The following TRIM2 variants were observed in gnomAD, a reference collection of about 807,000 sequenced individuals.
TRIM2 encodes tripartite motif-containing protein 2.
Under a neutral mutation model 75.2 loss-of-function variants are expected in TRIM2, and 20 were observed. The observed-to-expected ratio is 0.27, with a 90% CI of 0.19 to 0.39. TRIM2 has a LOEUF of 0.39. TRIM2 is among the 10% of genes least tolerant of loss of function. The probability of loss-of-function intolerance (pLI) is 1.00; values close to 1 mark genes in which losing one functional copy is unlikely to be tolerated. For synonymous variants in TRIM2, 373 were observed against 388.3 expected, an observed-to-expected ratio of 0.96 and a Z score of 0.46; for missense variants, 660 against 990.8, an observed-to-expected ratio of 0.67 and a Z score of 4.48.
chr4:153,247,252 T>C (rs1208426569), intron 1 of TRIM2, among the ~76,000 whole-genome samples: 2 of 151,894 alleles, frequency 1.3e-5, no homozygotes, highest in Non-Finnish European at 2.9e-5. Flanking sequence ...GGGACTAGAG[T>C]TAGTGTGAGA....
At position 153,338,056 on chromosome 4, in the gene TRIM2, T is replaced by G; in HGVS notation, c.*3090T>G. The stretch of plus-strand genomic sequence containing the variant: ...CTCCAGAACTAAACAAGTCCCTAAG[T>G]TTCCTTATTTTAATTTACTGTGACT... On this transcript the variant is annotated 3_prime_UTR_variant, in exon 12 of 12. Transcript: ENST00000338700. The G allele has an allele frequency of 1.0e-6, 1 of 985,772 alleles. No homozygotes were observed. The highest frequency in any genetic ancestry group is 1.2e-6 in the Non-Finnish European group (1 of 829,906). 61.1% of individuals were successfully genotyped at this position (985,772 alleles called of 1,614,324 possible).
intron 1 of TRIM2, among the ~76,000 whole-genome samples, chr4:153,164,128 G>T (rs933697670): frequency 1.3e-5 from 2 of 151,954 alleles, no homozygotes; most frequent in Non-Finnish European, 2.9e-5. Flanking sequence ...ATAAACACAT[G>T]TACTTATTGT....
intron 1 of TRIM2, among the ~76,000 whole-genome samples, chr4:153,209,148 C>T (rs1389992477): frequency 6.6e-6 from 1 of 152,156 alleles, no homozygotes; most frequent in African/African-American, 2.4e-5. Flanking sequence ...GAGCAGGGAG[C>T]CTGGTGACCT....
rs563971659 is a variant in TRIM2 at position 153,328,611 on chromosome 4, G to A, written c.2104G>A (p.Val702Ile). Residue 702 changes from valine to isoleucine, a missense_variant, in exon 11 of 12, where the codon GTA (valine) becomes ATA (isoleucine). This residue lies in a region of TRIM2 where 40 missense variants were observed against 99.8 expected (regional missense o/e 0.40). Transcript: ENST00000338700. ...TGGGCAGTTTAATGCTCCAACAGGT[G>A]TAGCAGTGGATTCAAATGGAAACAT... is the stretch of plus-strand genomic sequence containing the variant. ...GNGQFNAPTG[V>I]AVDSNGNIIV... 1.2e-6 allele frequency: 2 copies of A among 1,612,672 alleles called. No homozygotes were observed. The highest frequency in any genetic ancestry group is 4.5e-5 in the East Asian group (2 of 44,774).
intron 3 of TRIM2, among the ~76,000 whole-genome samples, chr4:153,279,117 T>C (rs1263279269): frequency 2.0e-5 from 3 of 152,212 alleles, no homozygotes; most frequent in Non-Finnish European, 2.9e-5. Flanking sequence ...GGGAAACCAA[T>C]TATGAGTTTA....
intron 3 of TRIM2, among the ~76,000 whole-genome samples, chr4:153,277,301 C>T (rs1758248360): frequency 6.6e-6 from 1 of 152,242 alleles, no homozygotes; most frequent in Non-Finnish European, 1.5e-5. Flanking sequence ...TTCTCCTGCA[C>T]ACAGCAGTCT....
intron 1 of TRIM2, among the ~76,000 whole-genome samples, chr4:153,223,666 G>A (rs1297148419): frequency 6.6e-6 from 1 of 152,130 alleles, no homozygotes; most frequent in Non-Finnish European, 1.5e-5. Context: ...CTCACTAAAT[G>A]CCTGTCAGAT....
At chr4:153,330,168 T>C (rs1771148206) in intron 11 of TRIM2, among the ~76,000 whole-genome samples, 1 of 152,214 alleles carries the variant, frequency 6.6e-6, no homozygotes, top group South Asian at 2.1e-4. Flanking sequence ...ATTTAATTCA[T>C]AATTTTAAAA....
chr4:153,177,160 G>A lies in TRIM2; in HGVS notation c.-49+23890G>A, dbSNP rs539088805. 8.2e-4 allele frequency among the ~76,000 whole-genome samples: 125 copies of A among 152,336 alleles called. 1 individual carries two copies. Among genetic ancestry groups the A allele is most frequent in the Non-Finnish European group, 1.5e-3 (104 of 68,022 alleles). ...CCATTTCCTACATTCCAGCTGGCAGGAAGGGAAAGGCTTGAAGAAAATGGG... is the reference window on the plus strand; with the variant it reads ...CCATTTCCTACATTCCAGCTGGCAGAAAGGGAAAGGCTTGAAGAAAATGGG... On this transcript the variant is annotated intron_variant, in intron 1 of 11. Transcript: ENST00000437508.
intron 5 of TRIM2, among the ~76,000 whole-genome samples, chr4:153,294,867 T>G (rs1389300782): frequency 6.6e-6 from 1 of 152,248 alleles, no homozygotes; most frequent in East Asian, 1.9e-4. Flanking sequence ...TAACTCTGCA[T>G]GTCTGTTCAC....
intron 6 of TRIM2, among the ~76,000 whole-genome samples, chr4:153,306,864 G>A (rs1765120197): frequency 6.6e-6 from 1 of 152,182 alleles, no homozygotes. Flanking sequence ...GCCCTGCCAA[G>A]AGCCATATTA....
At chr4:153,299,434 A>G (rs1763413225) in intron 6 of TRIM2, among the ~76,000 whole-genome samples, 1 of 152,128 alleles carries the variant, frequency 6.6e-6, no homozygotes, top group South Asian at 2.1e-4. Flanking sequence ...GTTGATGGAC[A>G]CTTAGGTTGA....
Position 153,291,489 on chromosome 4 carries a change from G to A in TRIM2, c.454-1493G>A, listed in dbSNP as rs74496538. Among the ~76,000 whole-genome samples, 347 of 152,140 alleles carry A rather than the reference G, an allele frequency of 2.3e-3. 1 individual carries two copies. The highest frequency in any genetic ancestry group is 7.4e-3 in the African/African-American group (307 of 41,496). On this transcript the variant is annotated intron_variant, in intron 3 of 11. Transcript: ENST00000338700. ...AATTGGGTATAAATAAAAGTGATTTGGTGACTGCCTTCACTTTGTGAAAAT... is the reference window on the plus strand; with the variant it reads ...AATTGGGTATAAATAAAAGTGATTTAGTGACTGCCTTCACTTTGTGAAAAT...
intron 1 of TRIM2, chr4:153,222,966 CCCAGGCCCGA>C (rs1741042114): frequency 6.6e-6 from 1 of 152,262 alleles, no homozygotes; most frequent in Non-Finnish European, 1.5e-5. Flanking sequence ...CGCAGCGAGG[CCCAGGCCCGA>C]GGGGTGAGGC....
At chr4:153,280,671 G>A (rs1759119052) in intron 3 of TRIM2, among the ~76,000 whole-genome samples, 1 of 150,054 alleles carries the variant, frequency 6.7e-6, no homozygotes, top group African/African-American at 2.5e-5. Flanking sequence ...GAGCCACTAT[G>A]TCCAGCCCAC....
intron 1 of TRIM2, among the ~76,000 whole-genome samples, chr4:153,180,193 C>G (rs1233381572): frequency 1.3e-5 from 2 of 152,240 alleles, no homozygotes; most frequent in Non-Finnish European, 2.9e-5. Context: ...AAGAAATCAA[C>G]AGCCCCATTA....
At chr4:153,243,076 A>G (rs1211927839) in intron 1 of TRIM2, among the ~76,000 whole-genome samples, 1 of 152,196 alleles carries the variant, frequency 6.6e-6, no homozygotes, top group Non-Finnish European at 1.5e-5. Flanking sequence ...TCCAACTTCA[A>G]ACACACCTCT....
At chr4:153,244,354 C>CTT (rs1348594641) in intron 1 of TRIM2, among the ~76,000 whole-genome samples, 500 of 25,520 alleles carry the variant, frequency 0.02, 54 homozygotes, top group African/African-American at 0.022. Flanking sequence ...TCTTCTTCTT[C>CTT]CTCTTCTTCT....
At chr4:153,331,548 TCAA>T (rs1771485964) in intron 11 of TRIM2, among the ~76,000 whole-genome samples, 1 of 152,304 alleles carries the variant, frequency 6.6e-6, no homozygotes, top group African/African-American at 2.4e-5. Context: ...ATTGCAAGAC[TCAA>T]CAATGATGTC....
Sources: allele counts gnomAD v4.1 joint callset (sites outside exome capture counted in the v4.1 genomes callset), GRCh38; gene constraint gnomAD v4.1.1; regional missense constraint gnomAD v4.1.1; transcripts MANE v1.5; gene names NCBI Gene and HGNC (gene_info 2026-07-23, HGNC 2026-07-21).